Variants in CMTM8 observed in about 807,000 individuals in gnomAD.
CMTM8 encodes the protein CKLF-like MARVEL transmembrane domain-containing protein 8.
A neutral mutation model predicts 18.6 loss-of-function variants in CMTM8; 12 were observed. The ratio of observed to expected loss-of-function variants is 0.65; its 90% CI spans 0.41 to 1.05. The LOEUF is 1.05. CMTM8 is among the 50% of genes least tolerant of loss of function. The pLI is 0.00. For synonymous variants in CMTM8, 87 were observed against 90.6 expected, an observed-to-expected ratio of 0.96 and a Z score of 0.23; for missense variants, 217 against 227.2, an observed-to-expected ratio of 0.95 and a Z score of 0.29.
In CMTM8 at chr3:32,286,407, AG is replaced by A. The variant is rs1702687403; in HGVS notation, c.147+47289del. 2.0e-5 allele frequency among the ~76,000 whole-genome samples: 3 copies of A among 152,184 alleles called. No individual in the cohort carries two copies. In the South Asian group the frequency reaches 6.2e-4, roughly 32 times the overall value. On this transcript the variant is annotated intron_variant, in intron 1 of 3. Coordinates refer to ENST00000307526, the MANE Select transcript of CMTM8 (RefSeq NM_178868.5). ...GTGATGGGCACTGTCACTTTTGGCA[AG>A]CTCCTTCTCCACACTGCTGGCCGCT...
Position 32,349,735 on chromosome 3 carries a change from C to T in CMTM8, c.148-7638C>T, listed in dbSNP as rs146253637. On this transcript the variant is annotated intron_variant, in intron 1 of 3. Coordinates refer to ENST00000307526, the MANE Select transcript of CMTM8 (RefSeq NM_178868.5). The stretch of plus-strand genomic sequence containing the variant: ...ATAATTTTATTGGCCAGGCCAGGCC[C>T]GGTGGCTCACACCTGTAATCCCAGC... Among the ~76,000 whole-genome samples the T allele has an allele frequency of 6.4e-3, 970 of 152,216 alleles. 13 individuals carry two copies. The highest frequency in any genetic ancestry group is 0.022 in the African/African-American group (917 of 41,536).
chr3:32,310,618 G>A (rs899777272), intron 1 of CMTM8, among the ~76,000 whole-genome samples: 1 of 152,176 alleles, frequency 6.6e-6, no homozygotes, highest in Non-Finnish European at 1.5e-5. Context: ...TTCCTCCCAG[G>A]AACCTGAGAA....
chr3:32,356,813 T>G (rs1696823314), intron 1 of CMTM8, among the ~76,000 whole-genome samples: 1 of 152,264 alleles, frequency 6.6e-6, no homozygotes, highest in South Asian at 2.1e-4. Context: ...AGTGGTGTTT[T>G]AAAACCCCTG....
At chr3:32,343,268 A>G (rs565875585) in intron 1 of CMTM8, among the ~76,000 whole-genome samples, 1 of 152,188 alleles carries the variant, frequency 6.6e-6, no homozygotes, top group South Asian at 2.1e-4. Context: ...TGAGTTAATC[A>G]ATCCAACACT....
chr3:32,273,704 A>G lies in CMTM8; in HGVS notation c.147+34585A>G, dbSNP rs188224274. Among the ~76,000 whole-genome samples, 7 of 152,290 alleles carry G rather than the reference A, an allele frequency of 4.6e-5. No homozygotes were observed. In the Middle Eastern group the frequency reaches 0.017, roughly 370 times the overall value. On this transcript the variant is annotated intron_variant, in intron 1 of 3. Coordinates refer to ENST00000307526, the MANE Select transcript of CMTM8 (RefSeq NM_178868.5). ...CTGGGAGAGGGAGGAATGGAGAGCTATTGCTGATAGATATGGAGTTTCTTT... is the reference window on the plus strand; with the variant it reads ...CTGGGAGAGGGAGGAATGGAGAGCTGTTGCTGATAGATATGGAGTTTCTTT...
At chr3:32,245,395 A>G (rs1701999619) in intron 1 of CMTM8, among the ~76,000 whole-genome samples, 1 of 152,352 alleles carries the variant, frequency 6.6e-6, no homozygotes, top group East Asian at 1.9e-4. Context: ...GGCTGTGCCA[A>G]TGTAACATCA....
intron 1 of CMTM8, among the ~76,000 whole-genome samples, chr3:32,255,059 T>C (rs1387588202): frequency 6.6e-6 from 1 of 152,222 alleles, no homozygotes; most frequent in Non-Finnish European, 1.5e-5. Flanking sequence ...CTTAGCATAG[T>C]ATTTTCAAGA....
chr3:32,285,791 C>T (rs544820423), intron 1 of CMTM8, among the ~76,000 whole-genome samples: 3 of 152,126 alleles, frequency 2.0e-5, no homozygotes, highest in South Asian at 2.1e-4. Context: ...TGGCATTTAA[C>T]GTAATTCTTA....
intron 1 of CMTM8, among the ~76,000 whole-genome samples, chr3:32,250,740 C>A (rs1407188489): frequency 2.0e-5 from 3 of 151,658 alleles, no homozygotes; most frequent in Non-Finnish European, 4.4e-5. Context: ...TTTTTTATTT[C>A]TTTCTTTTAT....
At chr3:32,361,402 C>A (rs1212635498) in intron 2 of CMTM8, among the ~76,000 whole-genome samples, 4 of 148,998 alleles carry the variant, frequency 2.7e-5, no homozygotes, top group Non-Finnish European at 1.5e-5. Context: ...ATTAATGTTT[C>A]TGCAACAACA....
chr3:32,292,754 T>C (rs1425600659), intron 1 of CMTM8, among the ~76,000 whole-genome samples: 1 of 152,020 alleles, frequency 6.6e-6, no homozygotes, highest in Non-Finnish European at 1.5e-5. Flanking sequence ...ACCTACTAGA[T>C]GCCAGTAGTA....
intron 1 of CMTM8, among the ~76,000 whole-genome samples, chr3:32,348,883 C>T (rs1349174901): frequency 3.3e-5 from 5 of 151,760 alleles, no homozygotes; most frequent in Admixed American, 2.0e-4. Flanking sequence ...TTTTTCTTTT[C>T]GTTGTTTTTA....
At chr3:32,362,046 C>CTTTTTTTTCTTTTTTTTTTTT (rs1553608244) in intron 2 of CMTM8, among the ~76,000 whole-genome samples, 1 of 92,066 alleles carries the variant, frequency 1.1e-5, no homozygotes, top group African/African-American at 3.9e-5. Flanking sequence ...ATTTTCTTTT[C>CTTTTTTTTCTTTTTTTTTTTT]TTTTTTTTTT....
At chr3:32,350,555 C>T (rs1017753662) in intron 1 of CMTM8, among the ~76,000 whole-genome samples, 3 of 147,984 alleles carry the variant, frequency 2.0e-5, no homozygotes, top group Non-Finnish European at 3.0e-5. Context: ...GAGTCTCGCT[C>T]TGTCACCCAG....
chr3:32,255,967 A>T (rs1017196077), intron 1 of CMTM8, among the ~76,000 whole-genome samples: 33 of 152,318 alleles, frequency 2.2e-4, no homozygotes, highest in African/African-American at 7.7e-4. Flanking sequence ...GGCTCAAGCA[A>T]TACGCCTGCG....
At chr3:32,344,797 AG>A in intron 1 of CMTM8, among the ~76,000 whole-genome samples, 1 of 152,212 alleles carries the variant, frequency 6.6e-6, no homozygotes, top group South Asian at 2.1e-4. Context: ...TTGGAGGCTG[AG>A]GTGGGAGAAT....
At chr3:32,354,258 A>G (rs1696769583) in intron 1 of CMTM8, among the ~76,000 whole-genome samples, 1 of 152,216 alleles carries the variant, frequency 6.6e-6, no homozygotes, top group Non-Finnish European at 1.5e-5. Flanking sequence ...AAAGCAAAAG[A>G]TGAGTAACAT....
Position 32,262,121 on chromosome 3 carries a change from T to TGTCC in CMTM8, c.147+23003_147+23006dup, listed in dbSNP as rs1702267356. 2.6e-5 allele frequency among the ~76,000 whole-genome samples: 4 copies of TGTCC among 152,242 alleles called. No individual in the cohort carries two copies. The South Asian group carries it at 8.3e-4, about 32-fold the overall frequency. On this transcript the variant is annotated intron_variant, in intron 1 of 3. Transcript: ENST00000307526. ...ACTCTCATGTCTGCTGGGTCCTGGA[T>TGTCC]GTCCATTGTCCCCATTGCGAGTCAT...
At chr3:32,328,021 G>C (rs948735406) in intron 1 of CMTM8, among the ~76,000 whole-genome samples, 1 of 152,098 alleles carries the variant, frequency 6.6e-6, no homozygotes, top group African/African-American at 2.4e-5. Context: ...GACAAGCTTA[G>C]AAAACATAGT....
Sources: gnomAD v4.1 joint callset for allele counts (sites outside exome capture counted in the v4.1 genomes callset) on GRCh38, gnomAD v4.1.1 for gene constraint, MANE v1.5 for transcripts, NCBI Gene and HGNC (gene_info 2026-07-23, HGNC 2026-07-21) for gene names.